Variants in CSRNP3 observed in about 807,000 individuals in gnomAD.
CSRNP3 encodes cysteine/serine-rich nuclear protein 3.
CSRNP3 carries 12 observed loss-of-function variants against 48.0 expected under a neutral mutation model. That is an observed-to-expected ratio of 0.25 (90% confidence interval 0.16 to 0.41). CSRNP3 has a LOEUF of 0.41. Ranked by LOEUF, CSRNP3 falls within the 10% of genes least tolerant of loss-of-function variation. The probability of loss-of-function intolerance (pLI) is 1.00; values close to 1 mark genes in which losing one functional copy is unlikely to be tolerated. For missense variants in CSRNP3, 580 were observed against 724.4 expected (o/e 0.80, Z 2.29); for synonymous variants, 263 against 269.7 (o/e 0.98, Z 0.24).
intron 2 of CSRNP3, among the ~76,000 whole-genome samples, chr2:165,500,847 G>A (rs892596454): frequency 1.3e-5 from 2 of 152,050 alleles, no homozygotes; most frequent in Non-Finnish European, 2.9e-5. Flanking sequence ...TCAGAGGCTA[G>A]GGTATTTAAT....
At chr2:165,528,231 A>T (rs1019428564) in intron 3 of CSRNP3, among the ~76,000 whole-genome samples, 16 of 152,112 alleles carry the variant, frequency 1.1e-4, no homozygotes, top group Non-Finnish European at 8.8e-5. Context: ...ACTCCCTATC[A>T]GATGTTTTGA....
intron 1 of CSRNP3, among the ~76,000 whole-genome samples, chr2:165,477,885 G>T (rs1683986273): frequency 6.6e-6 from 1 of 151,996 alleles, no homozygotes; most frequent in African/African-American, 2.4e-5. Flanking sequence ...GCCAAGGCAG[G>T]AGAATTGCTT....
At chr2:165,660,940 A>T (rs1427360746) in intron 5 of CSRNP3, among the ~76,000 whole-genome samples, 1 of 152,210 alleles carries the variant, frequency 6.6e-6, no homozygotes, top group Non-Finnish European at 1.5e-5. Context: ...CACTGTGCTT[A>T]AAGTATTCAG....
At position 165,546,337 on chromosome 2, in the gene CSRNP3, C is replaced by T. The variant is rs193020725; in HGVS notation, c.-24+28376C>T. Among the ~76,000 whole-genome samples the T allele has an allele frequency of 4.6e-5, 7 of 152,142 alleles. No individual in the cohort carries two copies. The East Asian group carries it at 7.7e-4, about 17-fold the overall frequency. On this transcript the variant is annotated intron_variant, in intron 3 of 6. Coordinates refer to ENST00000651982, the MANE Select transcript of CSRNP3 (RefSeq NM_001172173.2). ...CCTCCCGAGTAGCTAGGATTACAGGCGCCCGCCACCAGGCCCAGCTAACTT... is the reference window on the plus strand; with the variant it reads ...CCTCCCGAGTAGCTAGGATTACAGGTGCCCGCCACCAGGCCCAGCTAACTT...
intron 3 of CSRNP3, among the ~76,000 whole-genome samples, chr2:165,584,249 G>T (rs1005816242): frequency 2.0e-5 from 3 of 152,068 alleles, no homozygotes; most frequent in African/African-American, 7.2e-5. Flanking sequence ...TAAACACCTA[G>T]AGGCTACGAA....
At chr2:165,640,782 T>C (rs1477222063) in intron 4 of CSRNP3, among the ~76,000 whole-genome samples, 2 of 152,248 alleles carry the variant, frequency 1.3e-5, no homozygotes, top group Non-Finnish European at 2.9e-5. Flanking sequence ...GAGCTTGAGC[T>C]TGACACTGTC....
chr2:165,603,224 CA>C (rs1410822069), intron 4 of CSRNP3, among the ~76,000 whole-genome samples: 10 of 152,210 alleles, frequency 6.6e-5, no homozygotes, highest in African/African-American at 2.4e-4. Context: ...CAAACATTCA[CA>C]AACTTTGGCA....
At chr2:165,673,632 T>G (rs1326081518) in intron 5 of CSRNP3, among the ~76,000 whole-genome samples, 1 of 152,194 alleles carries the variant, frequency 6.6e-6, no homozygotes, top group Non-Finnish European at 1.5e-5. Flanking sequence ...CCTAAAAATT[T>G]TGATGTTTTT....
rs111506673 is a variant in CSRNP3, at chr2:165,593,013, G to T, written c.-23-2030G>T. Among the ~76,000 whole-genome samples, 348 of 151,656 alleles carry T rather than the reference G, an allele frequency of 2.3e-3. 1 individual carries two copies. Among genetic ancestry groups the T allele is most frequent in the African/African-American group, 8.0e-3 (332 of 41,344 alleles). ...AGACGGGGTTTCACCGTTTTAGCCG[G>T]GATGGTCTCGATCTCCTGACCTCGT... On this transcript the variant is annotated intron_variant, in intron 3 of 6. Coordinates refer to ENST00000651982, the MANE Select transcript of CSRNP3 (RefSeq NM_001172173.2).
intron 4 of CSRNP3, among the ~76,000 whole-genome samples, chr2:165,613,178 C>A (rs991595135): frequency 2.4e-4 from 36 of 151,822 alleles, no homozygotes; most frequent in Admixed American, 1.3e-3. Context: ...ATTAGTGATG[C>A]CGAGCATTTT....
chr2:165,502,013 C>T (rs564296737), intron 2 of CSRNP3, among the ~76,000 whole-genome samples: 20 of 152,058 alleles, frequency 1.3e-4, no homozygotes, highest in South Asian at 2.1e-4. Flanking sequence ...TTAGAGCTGA[C>T]GTATTTAATA....
chr2:165,610,658 G>T (rs138726801), intron 4 of CSRNP3, among the ~76,000 whole-genome samples: 114 of 152,296 alleles, frequency 7.5e-4, no homozygotes, highest in African/African-American at 2.7e-3. Flanking sequence ...CATGACTGAA[G>T]GGGTAAGATT....
chr2:165,544,675 A>C (rs35120913), intron 3 of CSRNP3, among the ~76,000 whole-genome samples: 36,298 of 151,986 alleles, frequency 0.24, 5,439 homozygotes, highest in African/African-American at 0.42. Context: ...AAAGGGTGGA[A>C]AATTATAAGT....
chr2:165,596,522 C>T (rs900393835), intron 4 of CSRNP3, among the ~76,000 whole-genome samples: 1 of 152,060 alleles, frequency 6.6e-6, no homozygotes, highest in African/African-American at 2.4e-5. Context: ...AAATCAATAG[C>T]ATTCCATTAA....
chr2:165,651,178 G>A (rs778900072), intron 4 of CSRNP3, among the ~76,000 whole-genome samples: 1 of 152,156 alleles, frequency 6.6e-6, no homozygotes, highest in Non-Finnish European at 1.5e-5. Context: ...ATGCAGAGAT[G>A]GCCAAACTCA....
chr2:165,643,091 C>T (rs1297187267), intron 4 of CSRNP3, among the ~76,000 whole-genome samples: 1 of 152,064 alleles, frequency 6.6e-6, no homozygotes, highest in Non-Finnish European at 1.5e-5. Context: ...AGCTAAATTA[C>T]AAAATTTTAA....
chr2:165,519,896 T>C (rs1268415441), intron 3 of CSRNP3, among the ~76,000 whole-genome samples: 2 of 152,146 alleles, frequency 1.3e-5, no homozygotes, highest in African/African-American at 2.4e-5. Flanking sequence ...ATAAATCTAA[T>C]GACTTTGCAC....
intron 3 of CSRNP3, among the ~76,000 whole-genome samples, chr2:165,570,314 C>T (rs1346006989): frequency 1.3e-5 from 2 of 151,956 alleles, no homozygotes; most frequent in Non-Finnish European, 1.5e-5. Flanking sequence ...ATATTTAAAA[C>T]CATACACTAT....
At chr2:165,583,295 T>C (rs1685576687) in intron 3 of CSRNP3, among the ~76,000 whole-genome samples, 2 of 152,310 alleles carry the variant, frequency 1.3e-5, no homozygotes, top group South Asian at 2.1e-4. Flanking sequence ...TTCAAGGCAC[T>C]TTTTGCTTAC....
Sources: allele counts gnomAD v4.1 joint callset (sites outside exome capture counted in the v4.1 genomes callset), GRCh38; gene constraint gnomAD v4.1.1; transcripts MANE v1.5; gene names NCBI Gene and HGNC (gene_info 2026-07-23, HGNC 2026-07-21).